DEK: variants seen among roughly 807,000 people sequenced by gnomAD.
DEK encodes protein DEK.
In DEK, 28 loss-of-function variants were observed where a neutral mutation model predicts 46.8. The observed-to-expected ratio is 0.60, with a 90% CI of 0.44 to 0.82. The LOEUF is 0.82. Among genes scored for constraint, DEK ranks in the 40% least tolerant of loss-of-function variants. DEK has a pLI of 0.00. For synonymous variants in DEK, 160 were observed against 144.5 expected (o/e 1.11, Z -0.77); for missense variants, 416 against 430.6 (o/e 0.97, Z 0.30).
rs72840628 is a variant in DEK at position 18,244,152 on chromosome 6, G to A, written c.762+5499C>T. ...AGACTGAGTCTTTTAACAAAATGGG[G>A]GGAAAATTAGGTTAAGTTTTTTTAA... On this transcript the variant is annotated intron_variant, in intron 7 of 10. Transcript: ENST00000652689. Among the ~76,000 whole-genome samples, 987 of 152,142 alleles carry A rather than the reference G, an allele frequency of 6.5e-3. 7 individuals carry two copies. Among genetic ancestry groups the A allele is most frequent in the Middle Eastern group, 0.017 (5 of 294 alleles).
At chr6:18,242,675 T>C (rs1214876662) in intron 7 of DEK, among the ~76,000 whole-genome samples, 8 of 152,176 alleles carry the variant, frequency 5.3e-5, no homozygotes, top group Admixed American at 5.2e-4. Context: ...TGCAGTATCA[T>C]TGTGCTTGTG....
At position 18,256,354 on chromosome 6, in the gene DEK, A is replaced by T; in HGVS notation, c.452+7T>A. The stretch of plus-strand genomic sequence containing the variant: ...ATCAAAATACAGTATTTATAAAAAT[A>T]ACTTACTTTTTCAACATTTCTTCCT... On this transcript the variant is annotated splice_region_variant and intron_variant, in intron 5 of 10. Coordinates refer to ENST00000652689, the MANE Select transcript of DEK (RefSeq NM_003472.4). 2 of 1,597,554 alleles carry T rather than the reference A, an allele frequency of 1.3e-6. No individual in the cohort carries two copies. Among genetic ancestry groups the T allele is most frequent in the Non-Finnish European group, 1.7e-6 (2 of 1,168,350 alleles).
chr6:18,252,298 T>A (rs1297977964), intron 6 of DEK, among the ~76,000 whole-genome samples: 1 of 151,870 alleles, frequency 6.6e-6, no homozygotes, highest in East Asian at 1.9e-4. Flanking sequence ...TCACATGAGC[T>A]CAGGAGTTTG....
At chr6:18,254,782 A>G (rs1315184913) in intron 6 of DEK, among the ~76,000 whole-genome samples, 2 of 152,240 alleles carry the variant, frequency 1.3e-5, no homozygotes, top group African/African-American at 4.8e-5. Context: ...TTAGAAAATA[A>G]GAAGTATTTT....
intron 4 of DEK, among the ~76,000 whole-genome samples, chr6:18,257,700 A>G (rs1375540462): frequency 6.6e-6 from 1 of 152,076 alleles, no homozygotes; most frequent in Non-Finnish European, 1.5e-5. Flanking sequence ...TGGGTGACAA[A>G]GTGAGACCGT....
At chr6:18,256,585 T>C (rs1023656109) in intron 4 of DEK, 130 bp from the exon 5 acceptor site, 4 of 613,176 alleles carry the variant, frequency 6.5e-6, no homozygotes, top group African/African-American at 1.9e-5. Context: ...GGCTGAACAG[T>C]CAACCAATTC....
chr6:18,234,081 G>C (rs369714828), intron 9 of DEK, among the ~76,000 whole-genome samples: 12 of 151,000 alleles, frequency 7.9e-5, no homozygotes, highest in East Asian at 3.9e-4. Context: ...GCAAACTATC[G>C]CAAGGACAGA....
chr6:18,263,992 T>C lies in DEK; in HGVS notation c.-5A>G. 1 of 1,597,502 alleles carries C rather than the reference T, an allele frequency of 6.3e-7. No individual in the cohort carries two copies. Among genetic ancestry groups the C allele is most frequent in the South Asian group, 1.1e-5 (1 of 89,732 alleles). On this transcript the variant is annotated 5_prime_UTR_variant, in exon 2 of 11. Transcript: ENST00000652689. Reference sequence around the variant, plus strand: ...AGCAGGGGCCGAGGCGGACATGCTGTGAACCTGCATGCGGGAAGAAAGCCG... The same window carrying C: ...AGCAGGGGCCGAGGCGGACATGCTGCGAACCTGCATGCGGGAAGAAAGCCG...
intron 8 of DEK, 139 bp from the exon 9 acceptor site, chr6:18,236,739 A>T: frequency 3.8e-6 from 2 of 530,024 alleles, no homozygotes; most frequent in Non-Finnish European, 5.9e-6. Context: ...CTCTACAGTT[A>T]CCTATAAAAC....
intron 7 of DEK, among the ~76,000 whole-genome samples, chr6:18,249,133 A>C (rs185630007): frequency 2.7e-4 from 41 of 152,276 alleles, no homozygotes; most frequent in Admixed American, 2.6e-3. Flanking sequence ...ATACTCCCAA[A>C]TAAAAGAAAA....
intron 6 of DEK, among the ~76,000 whole-genome samples, chr6:18,254,734 T>A (rs988295174): frequency 6.6e-6 from 1 of 152,180 alleles, no homozygotes; most frequent in Admixed American, 6.5e-5. Flanking sequence ...TGCCTCACAC[T>A]AAATCCTTAA....
intron 6 of DEK, among the ~76,000 whole-genome samples, chr6:18,252,169 T>C (rs367934310): frequency 6.6e-6 from 1 of 152,100 alleles, no homozygotes; most frequent in Non-Finnish European, 1.5e-5. Flanking sequence ...GATTAAACCA[T>C]TGAGAAATTG....
chr6:18,262,369 T>C (rs924068867), intron 2 of DEK, among the ~76,000 whole-genome samples: 34 of 150,956 alleles, frequency 2.3e-4, no homozygotes, highest in African/African-American at 8.1e-4. Context: ...TAAAGTTAAA[T>C]ATTCAGGGTT....
chr6:18,253,590 T>G (rs1009863924), intron 6 of DEK, among the ~76,000 whole-genome samples: 2 of 152,186 alleles, frequency 1.3e-5, no homozygotes, highest in African/African-American at 4.8e-5. Flanking sequence ...ACATTAAACA[T>G]TACAACTAAT....
At chr6:18,262,006 A>C (rs896382090) in intron 2 of DEK, among the ~76,000 whole-genome samples, 2 of 152,152 alleles carry the variant, frequency 1.3e-5, no homozygotes, top group Non-Finnish European at 2.9e-5. Context: ...TGATTAAATC[A>C]TGGGGGCAGA....
chr6:18,262,022 C>T (rs942586954), intron 2 of DEK, among the ~76,000 whole-genome samples: 3 of 152,176 alleles, frequency 2.0e-5, no homozygotes, highest in African/African-American at 7.2e-5. Flanking sequence ...GCAGATCCCT[C>T]ATGAACGGCT....
chr6:18,263,448 C>CA (rs1399401376), intron 2 of DEK, among the ~76,000 whole-genome samples: 1 of 151,812 alleles, frequency 6.6e-6, no homozygotes, highest in Admixed American at 6.6e-5. Flanking sequence ...CTTCAAAAGG[C>CA]AAAAGATGTG....
At chr6:18,235,651 TA>T (rs1282420812) in intron 9 of DEK, among the ~76,000 whole-genome samples, 1 of 152,146 alleles carries the variant, frequency 6.6e-6, no homozygotes, top group Non-Finnish European at 1.5e-5. Flanking sequence ...CCTGTAACAT[TA>T]AAAAAAATTT....
chr6:18,235,677 C>T lies in DEK; in HGVS notation c.1047+775G>A, dbSNP rs561592123. Among the ~76,000 whole-genome samples, 8 of 152,174 alleles carry T rather than the reference C, an allele frequency of 5.3e-5. 1 individual carries two copies. The highest frequency in any genetic ancestry group is 6.8e-3 in the Middle Eastern group (2 of 292). On this transcript the variant is annotated intron_variant, in intron 9 of 10. Coordinates refer to ENST00000652689, the MANE Select transcript of DEK (RefSeq NM_003472.4). ...AAAAAAAATTTTTTTTTGGTAGAGA[C>T]GGGATCTCACTATGCTGCCCAGGTT...
Sources: gnomAD v4.1 joint callset for allele counts (sites outside exome capture counted in the v4.1 genomes callset) on GRCh38, gnomAD v4.1.1 for gene constraint, MANE v1.5 for transcripts, NCBI Gene and HGNC (gene_info 2026-07-23, HGNC 2026-07-21) for gene names.